Variants in MEIKIN observed in about 807,000 individuals in gnomAD.
MEIKIN encodes meiosis-specific kinetochore protein.
chr5:131,885,715 A>T (rs1287066643), intron 8 of MEIKIN, among the ~76,000 whole-genome samples: 2 of 152,204 alleles, frequency 1.3e-5, no homozygotes, highest in Non-Finnish European at 2.9e-5. Context: ...CAGAGTCCAG[A>T]CACCAACAAA....
chr5:131,913,127 T>TGGAGCTCTACCTATCACC (rs1751357112), intron 7 of MEIKIN, among the ~76,000 whole-genome samples: 1 of 152,230 alleles, frequency 6.6e-6, no homozygotes, highest in African/African-American at 2.4e-5. Flanking sequence ...TACCTATCAC[T>TGGAGCTCTACCTATCACC]GGAGCTCTAC....
intron 4 of MEIKIN, among the ~76,000 whole-genome samples, chr5:131,937,860 G>GT (rs570044236): frequency 4.4e-4 from 66 of 150,264 alleles, no homozygotes; most frequent in South Asian, 8.4e-4. Context: ...ACTTGGTGTG[G>GT]TTTTTTTTTC....
chr5:131,883,563 T>C lies in MEIKIN; in HGVS notation c.704-4515A>G, dbSNP rs149471406. ...GCCTGGCACACGGTTGAAACACAGC[T>C]GGATTTGTTGAATTAAGAAATGTAT... On this transcript the variant is annotated intron_variant, in intron 8 of 12. Coordinates refer to ENST00000442687, the MANE Select transcript of MEIKIN (RefSeq NM_001303622.2). Among the ~76,000 whole-genome samples, 919 of 152,288 alleles carry C rather than the reference T, an allele frequency of 6.0e-3. 9 individuals are homozygous for C. The highest frequency in any genetic ancestry group is 0.021 in the African/African-American group (883 of 41,562).
intron 3 of MEIKIN, 163 bp downstream of exon 3, chr5:131,944,502 T>A: frequency 5.1e-6 from 2 of 392,590 alleles, no homozygotes; most frequent in Non-Finnish European, 9.0e-6. Flanking sequence ...AAGTCAGAAA[T>A]TCAAGGCCCT....
At chr5:131,824,051 T>G (rs558714347) in intron 11 of MEIKIN, among the ~76,000 whole-genome samples, 257 of 152,302 alleles carry the variant, frequency 1.7e-3, no homozygotes, top group African/African-American at 5.6e-3. Context: ...CACCTGGAAC[T>G]GAGGGTATGG....
chr5:131,830,306 A>C (rs912061917), intron 11 of MEIKIN, among the ~76,000 whole-genome samples: 3 of 152,222 alleles, frequency 2.0e-5, no homozygotes, highest in Non-Finnish European at 4.4e-5. Context: ...CTGAGGCGAG[A>C]GGATCAATTG....
At chr5:131,909,574 C>G (rs1751299904) in intron 8 of MEIKIN, among the ~76,000 whole-genome samples, 1 of 152,012 alleles carries the variant, frequency 6.6e-6, no homozygotes, top group South Asian at 2.1e-4. Flanking sequence ...GAGATCACAT[C>G]AAGTTAAAAT....
intron 9 of MEIKIN, among the ~76,000 whole-genome samples, chr5:131,866,741 T>A (rs1750392218): frequency 6.6e-6 from 1 of 152,094 alleles, no homozygotes; most frequent in South Asian, 2.1e-4. Flanking sequence ...ACTGACAGTA[T>A]GCATGGAAGC....
intron 9 of MEIKIN, among the ~76,000 whole-genome samples, chr5:131,862,091 T>G (rs545541421): frequency 1.3e-5 from 2 of 152,330 alleles, no homozygotes; most frequent in Non-Finnish European, 2.9e-5. Context: ...GGGCTTTTCT[T>G]TATTGGGAGA....
chr5:131,861,970 G>A (rs1450246039), intron 9 of MEIKIN, among the ~76,000 whole-genome samples: 2 of 152,202 alleles, frequency 1.3e-5, no homozygotes, highest in African/African-American at 2.4e-5. Context: ...CGCAAAGAGT[G>A]AGTTAGGGAG....
intron 4 of MEIKIN, among the ~76,000 whole-genome samples, chr5:131,936,476 C>T (rs1023719549): frequency 3.9e-5 from 6 of 152,194 alleles, no homozygotes; most frequent in Non-Finnish European, 5.9e-5. Flanking sequence ...ATACTGTGGG[C>T]CACATTCATC....
chr5:131,928,649 A>G (rs1282776006), intron 5 of MEIKIN, among the ~76,000 whole-genome samples: 2 of 152,182 alleles, frequency 1.3e-5, no homozygotes, highest in Non-Finnish European at 2.9e-5. Context: ...ACTAAAAGTG[A>G]TTTAATTCTG....
chr5:131,895,278 G>T (rs1270314831), intron 8 of MEIKIN, among the ~76,000 whole-genome samples: 1 of 152,188 alleles, frequency 6.6e-6, no homozygotes, highest in African/African-American at 2.4e-5. Context: ...TGTGCTGCTG[G>T]ATTTGGTTTG....
intron 9 of MEIKIN, among the ~76,000 whole-genome samples, chr5:131,874,545 C>T (rs1750574232): frequency 6.6e-6 from 1 of 152,184 alleles, no homozygotes; most frequent in Non-Finnish European, 1.5e-5. Flanking sequence ...GATGGATTCA[C>T]AGCCGAATTC....
chr5:131,923,130 C>T lies in MEIKIN; in HGVS notation c.479-1189G>A, dbSNP rs138789603. On this transcript the variant is annotated intron_variant, in intron 5 of 12. Transcript: ENST00000442687. ...CTCAAACTCCTGACCTCAAGCAATC[C>T]GCCTGCCTCAGCCTCCCAAAGTGCT... Among the ~76,000 whole-genome samples, 794 of 152,304 alleles carry T rather than the reference C, an allele frequency of 5.2e-3. 5 individuals are homozygous for T. The highest frequency in any genetic ancestry group is 7.0e-3 in the African/African-American group (293 of 41,562).
chr5:131,841,425 G>A (rs992129242), intron 11 of MEIKIN, among the ~76,000 whole-genome samples: 12 of 152,116 alleles, frequency 7.9e-5, no homozygotes, highest in African/African-American at 1.9e-4. Context: ...GCCTCCCTAC[G>A]GGCATTTACA....
chr5:131,838,808 T>C (rs550550954), intron 11 of MEIKIN, among the ~76,000 whole-genome samples: 20 of 152,272 alleles, frequency 1.3e-4, no homozygotes, highest in Non-Finnish European at 1.6e-4. Flanking sequence ...AACCAACCCC[T>C]GGATTTGTTG....
intron 6 of MEIKIN, among the ~76,000 whole-genome samples, chr5:131,919,895 G>A (rs796686105): frequency 3.9e-5 from 6 of 152,142 alleles, no homozygotes; most frequent in African/African-American, 7.2e-5. Flanking sequence ...TCATATTCCC[G>A]AATACATAAA....
chr5:131,843,707 A>G (rs868234967), intron 11 of MEIKIN, among the ~76,000 whole-genome samples: 89 of 152,172 alleles, frequency 5.8e-4, no homozygotes, highest in African/African-American at 2.1e-3. Context: ...CCATATCACT[A>G]TCAGCATTTT....
Sources: gnomAD v4.1 joint callset for allele counts (sites outside exome capture counted in the v4.1 genomes callset) on GRCh38, gnomAD v4.1.1 for gene constraint, MANE v1.5 for transcripts, NCBI Gene and HGNC (gene_info 2026-07-23, HGNC 2026-07-21) for gene names.